The following PLA2G4E variants were observed in gnomAD, a reference collection of about 807,000 sequenced individuals.
PLA2G4E encodes the protein phospholipase A2 group IVE.
Under a neutral mutation model 109.1 loss-of-function variants are expected in PLA2G4E, and 84 were observed. That is an observed-to-expected ratio of 0.77 (90% CI 0.65 to 0.92). The LOEUF is 0.92. Among genes scored for constraint, PLA2G4E ranks in the 40% least tolerant of loss-of-function variants. PLA2G4E has a pLI of 0.00. For synonymous variants in PLA2G4E, 469 were observed against 436.1 expected (o/e 1.08, Z -0.94); for missense variants, 1,057 against 1,076.6 (o/e 0.98, Z 0.25).
rs1038341341 is a variant in PLA2G4E, at chr15:42,029,644, C to T, written c.184-15887G>A. On this transcript the variant is annotated intron_variant, in intron 1 of 19. Coordinates refer to ENST00000399518, the Ensembl canonical transcript of PLA2G4E. ...TATAGCGGTCTAGACTTTAATAGAC[C>T]TGGGTTTGTACCTTCATTCTGTTAC... Among the ~76,000 whole-genome samples, 3 of 152,006 alleles carry T rather than the reference C, an allele frequency of 2.0e-5. No homozygotes were observed. The East Asian group carries it at 5.8e-4, about 29-fold the overall frequency.
chr15:41,987,392 G>A lies in PLA2G4E; in HGVS notation c.1832-17C>T. 6.2e-7 allele frequency: 1 copy of A among 1,608,440 alleles called. No individual in the cohort carries two copies. Among genetic ancestry groups the A allele is most frequent in the Non-Finnish European group, 8.5e-7 (1 of 1,176,006 alleles). On this transcript the variant is annotated splice_polypyrimidine_tract_variant and intron_variant, in intron 16 of 19. Transcript: ENST00000399518. ...GCTCGTCTTCTGCAGGGGAGGGAGG[G>A]ATGAAGGGCAGGTCATGAGAGGTGG...
intron 1 of PLA2G4E, among the ~76,000 whole-genome samples, chr15:42,033,673 G>A (rs1344198950): frequency 2.0e-5 from 3 of 152,186 alleles, no homozygotes; most frequent in African/African-American, 7.2e-5. Context: ...TGAACACATG[G>A]ATGATCAAGC....
intron 1 of PLA2G4E, among the ~76,000 whole-genome samples, chr15:42,037,334 T>C (rs1286001778): frequency 6.6e-6 from 1 of 152,162 alleles, no homozygotes; most frequent in Non-Finnish European, 1.5e-5. Context: ...CTTCCTCCCC[T>C]CGAAGCCCTG....
intron 1 of PLA2G4E, among the ~76,000 whole-genome samples, chr15:42,048,651 G>T (rs1712413): frequency 0.094 from 14,281 of 152,100 alleles, 718 homozygotes; most frequent in South Asian, 0.19. Flanking sequence ...CAATGACAGC[G>T]AGCCGCATTG....
chr15:41,994,397 A>G (rs1463522903), intron 12 of PLA2G4E, among the ~76,000 whole-genome samples: 2 of 152,228 alleles, frequency 1.3e-5, no homozygotes, highest in African/African-American at 4.8e-5. Context: ...TCCAGTATAC[A>G]AGGCACAGCA....
chr15:41,986,929 A>G, intron 17 of PLA2G4E: 3 of 557,946 alleles, frequency 5.4e-6, no homozygotes, highest in Non-Finnish European at 9.7e-6. Flanking sequence ...TGTTGTACAG[A>G]TTCTGTATAG....
intron 1 of PLA2G4E, among the ~76,000 whole-genome samples, chr15:42,043,103 T>A (rs1489509995): frequency 6.6e-6 from 1 of 152,198 alleles, no homozygotes. Flanking sequence ...ACTCCTACAC[T>A]GGGCAAGCGG....
rs2068320309 is a variant in PLA2G4E, at chr15:41,995,345, C to T, written c.1247+15G>A. 4 of 1,609,488 alleles carry T rather than the reference C, an allele frequency of 2.5e-6. No homozygotes were observed. The highest frequency in any genetic ancestry group is 3.4e-6 in the Non-Finnish European group (4 of 1,176,282). On this transcript the variant is annotated intron_variant, in intron 12 of 19. Coordinates refer to ENST00000399518, the Ensembl canonical transcript of PLA2G4E. ...TTGCCCTGGGCTCCACAGACAGTGGCTCATGTCTCCTTACCAGGTGGCCCC... is the reference window on the plus strand; with the variant it reads ...TTGCCCTGGGCTCCACAGACAGTGGTTCATGTCTCCTTACCAGGTGGCCCC...
At chr15:42,045,413 T>C (rs184360975) in intron 1 of PLA2G4E, among the ~76,000 whole-genome samples, 113 of 152,060 alleles carry the variant, frequency 7.4e-4, no homozygotes, top group Non-Finnish European at 1.2e-3. Flanking sequence ...ATGCAAGAGA[T>C]AGTAGGGAGC....
At chr15:41,989,143 C>G (rs1668578) in intron 15 of PLA2G4E, among the ~76,000 whole-genome samples, 1 of 151,886 alleles carries the variant, frequency 6.6e-6, no homozygotes, top group Non-Finnish European at 1.5e-5. Flanking sequence ...CACTGCTGGC[C>G]GAAGCTAGAC....
chr15:42,030,926 C>T (rs1162683776), intron 1 of PLA2G4E, among the ~76,000 whole-genome samples: 5 of 152,180 alleles, frequency 3.3e-5, no homozygotes, highest in Non-Finnish European at 7.4e-5. Flanking sequence ...AAAATTATTA[C>T]AATTTGTTTA....
At chr15:42,036,958 G>A (rs1288331353) in intron 1 of PLA2G4E, among the ~76,000 whole-genome samples, 1 of 152,226 alleles carries the variant, frequency 6.6e-6, no homozygotes, top group Non-Finnish European at 1.5e-5. Flanking sequence ...AGAGCACCGT[G>A]GGGCCGAGTC....
Position 41,987,341 on chromosome 15 carries a change from A to G in PLA2G4E, c.1866T>C (p.Cys622=), listed in dbSNP as rs1234869697. The G allele has an allele frequency of 3.1e-6, 5 of 1,613,772 alleles. No homozygotes were observed. The Admixed American group carries it at 6.7e-5, about 22-fold the overall frequency. Residue 622 remains cysteine (C), a synonymous_variant, in exon 17 of 20, where the codon TGT becomes TGC. Transcript: ENST00000399518. ...CCGTGGTCTCCAGGATGTTAGCATC[A>G]CATTTGGGGATTTCAGGCAGGATCG...
intron 7 of PLA2G4E, 27 bp downstream of exon 7, chr15:42,001,130 G>A: frequency 6.3e-7 from 1 of 1,595,952 alleles, no homozygotes; most frequent in Non-Finnish European, 8.6e-7. Context: ...TTGTCCCCCA[G>A]TAGGCAGAAA....
At chr15:42,003,266 T>C (rs913826063) in intron 5 of PLA2G4E, among the ~76,000 whole-genome samples, 1 of 152,170 alleles carries the variant, frequency 6.6e-6, no homozygotes, top group Non-Finnish European at 1.5e-5. Context: ...ATCAACTTTA[T>C]TGTTGTTGTT....
intron 1 of PLA2G4E, among the ~76,000 whole-genome samples, chr15:42,016,241 CTTTTTTTTTTTTT>C (rs1168452228): frequency 9.6e-6 from 1 of 104,692 alleles, no homozygotes. Flanking sequence ...TTTATCTTTA[CTTTTTTTTTTTTT>C]TTTTTTTTTG....
chr15:41,997,361 C>G, intron 10 of PLA2G4E, 102 bp from the exon 11 acceptor site: 3 of 1,305,680 alleles, frequency 2.3e-6, no homozygotes, highest in Non-Finnish European at 3.0e-6. Flanking sequence ...CCTACTTCTG[C>G]CAGCGACCAC....
intron 1 of PLA2G4E, among the ~76,000 whole-genome samples, chr15:42,047,047 T>C (rs1889428794): frequency 6.6e-6 from 1 of 152,232 alleles, no homozygotes; most frequent in Non-Finnish European, 1.5e-5. Flanking sequence ...TGAGGAGCTA[T>C]TTGAAGACTG....
At chr15:41,994,998 C>T (rs959234489) in intron 12 of PLA2G4E, among the ~76,000 whole-genome samples, 7 of 152,224 alleles carry the variant, frequency 4.6e-5, no homozygotes, top group African/African-American at 1.7e-4. Flanking sequence ...GGGCCCTGCC[C>T]GTTGCATGTC....
Sources: allele counts gnomAD v4.1 joint callset (sites outside exome capture counted in the v4.1 genomes callset), GRCh38; gene constraint gnomAD v4.1.1; transcripts MANE v1.5; gene names NCBI Gene and HGNC (gene_info 2026-07-23, HGNC 2026-07-21).